The following ZFHX3 variants were observed in gnomAD, a reference collection of about 807,000 sequenced individuals.
ZFHX3 encodes zinc finger homeobox 3.
ZFHX3 carries 42 observed loss-of-function variants against 279.1 expected under a neutral mutation model. The ratio of observed to expected loss-of-function variants is 0.15; its 90% confidence interval spans 0.12 to 0.19. The LOEUF is 0.19. Ranked by LOEUF, ZFHX3 falls within the 10% of genes least tolerant of loss-of-function variation. The pLI is 1.00. For missense variants in ZFHX3, 4,981 were observed against 4,754.0 expected (o/e 1.05, Z -1.40); for synonymous variants, 2,293 against 1,957.8 (o/e 1.17, Z -4.52).
At chr16:73,525,142 C>T (rs901291889) in intron 2 of ZFHX3, among the ~76,000 whole-genome samples, 3 of 152,146 alleles carry the variant, frequency 2.0e-5, no homozygotes, top group Non-Finnish European at 2.9e-5. Flanking sequence ...AGTCAAGCTT[C>T]GGTTTTACGT....
chr16:73,324,920 A>G (rs115087723), intron 3 of ZFHX3, among the ~76,000 whole-genome samples: 258 of 152,300 alleles, frequency 1.7e-3, no homozygotes, highest in South Asian at 6.4e-3. Flanking sequence ...TCTCAAGGGG[A>G]TCAACATTTG....
chr16:72,893,664 G>A (rs2038825358), intron 3 of ZFHX3, among the ~76,000 whole-genome samples: 1 of 152,154 alleles, frequency 6.6e-6, no homozygotes, highest in Admixed American at 6.5e-5. Context: ...AGCCATTTTA[G>A]CAAGAAACTG....
intron 5 of ZFHX3, among the ~76,000 whole-genome samples, chr16:73,206,676 A>G (rs2011815919): frequency 6.6e-6 from 1 of 152,052 alleles, no homozygotes. Flanking sequence ...TTTCCCCACT[A>G]CACATGGCCA....
chr16:73,501,158 A>ATG (rs2019233057), intron 2 of ZFHX3, among the ~76,000 whole-genome samples: 1 of 152,256 alleles, frequency 6.6e-6, no homozygotes, highest in African/African-American at 2.4e-5. Context: ...CTACAGTAGC[A>ATG]TGCTGTACAG....
chr16:73,119,724 C>T (rs1189016615), intron 7 of ZFHX3, among the ~76,000 whole-genome samples: 3 of 152,034 alleles, frequency 2.0e-5, no homozygotes, highest in Non-Finnish European at 4.4e-5. Context: ...TTGCTCTATC[C>T]CCCAGGCTGG....
At chr16:73,666,154 G>C (rs1214699948) in intron 2 of ZFHX3, among the ~76,000 whole-genome samples, 1 of 151,846 alleles carries the variant, frequency 6.6e-6, no homozygotes, top group Non-Finnish European at 1.5e-5. Context: ...CTGAGTGGCA[G>C]TTTGTGGGCT....
chr16:73,683,252 G>A (rs777604431), intron 1 of ZFHX3, among the ~76,000 whole-genome samples: 9 of 152,190 alleles, frequency 5.9e-5, no homozygotes, highest in African/African-American at 1.4e-4. Flanking sequence ...CTCAAAGCCC[G>A]TTCACTTCCC....
chr16:73,411,402 T>C (rs774323595), intron 3 of ZFHX3, among the ~76,000 whole-genome samples: 17 of 152,240 alleles, frequency 1.1e-4, no homozygotes, highest in Non-Finnish European at 2.1e-4. Flanking sequence ...AAGAGTGTTG[T>C]TGAACAAAAA....
At chr16:73,853,247 C>T (rs1206331440) in intron 1 of ZFHX3, among the ~76,000 whole-genome samples, 1 of 152,172 alleles carries the variant, frequency 6.6e-6, no homozygotes, top group South Asian at 2.1e-4. Flanking sequence ...TTAGTTCAAA[C>T]TCGATGGACA....
At chr16:73,400,856 A>G (rs1410413086) in intron 3 of ZFHX3, 1 of 152,108 alleles carries the variant, frequency 6.6e-6, no homozygotes, top group African/African-American at 2.4e-5. Flanking sequence ...AAAGCCACTT[A>G]TTACCTTGTG....
At chr16:72,973,652 G>A (rs575297142) in intron 1 of ZFHX3, 2 of 152,386 alleles carry the variant, frequency 1.3e-5, no homozygotes, top group African/African-American at 4.8e-5. Context: ...GCCAAGGCGG[G>A]TGGATCATCT....
At chr16:73,602,228 G>T (rs939806928) in intron 2 of ZFHX3, among the ~76,000 whole-genome samples, 2 of 152,180 alleles carry the variant, frequency 1.3e-5, no homozygotes, top group Non-Finnish European at 2.9e-5. Flanking sequence ...TCTGGCTGGT[G>T]GGTTTTTTCT....
At chr16:73,124,735 C>T (rs375369473) in intron 7 of ZFHX3, among the ~76,000 whole-genome samples, 13 of 152,188 alleles carry the variant, frequency 8.5e-5, no homozygotes, top group African/African-American at 2.6e-4. Context: ...GAGAGTGTAG[C>T]GCACTGGGGT....
intron 7 of ZFHX3, among the ~76,000 whole-genome samples, chr16:73,100,385 G>A (rs1406296552): frequency 6.6e-6 from 1 of 152,030 alleles, no homozygotes; most frequent in Non-Finnish European, 1.5e-5. Flanking sequence ...TCTCACCAAC[G>A]GGCATGCCTT....
chr16:72,846,687 C>T lies in ZFHX3; in HGVS notation c.3449-16828G>A, dbSNP rs552824976. Among the ~76,000 whole-genome samples, 4 of 152,350 alleles carry T rather than the reference C, an allele frequency of 2.6e-5. No individual in the cohort carries two copies. In the South Asian group the frequency reaches 8.3e-4, roughly 32 times the overall value. ...GCACGGCTTTAGCTGGTGGCCCCGGCAGGGATTTCCAGTAGAAAAACTCCT... is the reference window on the plus strand; with the variant it reads ...GCACGGCTTTAGCTGGTGGCCCCGGTAGGGATTTCCAGTAGAAAAACTCCT... On this transcript the variant is annotated intron_variant, in intron 4 of 9. Coordinates refer to ENST00000268489, the MANE Select transcript of ZFHX3 (RefSeq NM_006885.4).
chr16:72,815,166 G>C (rs1232193506), intron 5 of ZFHX3, among the ~76,000 whole-genome samples: 1 of 152,146 alleles, frequency 6.6e-6, no homozygotes, highest in South Asian at 2.1e-4. Flanking sequence ...CTAGCACTTT[G>C]GAAGGCTGAG....
chr16:73,023,429 C>A (rs756436441), intron 1 of ZFHX3, among the ~76,000 whole-genome samples: 1 of 151,904 alleles, frequency 6.6e-6, no homozygotes, highest in Non-Finnish European at 1.5e-5. Context: ...GGGTAAGGGG[C>A]GGAGGGAGGA....
At chr16:73,882,647 C>A (rs1270782236) in intron 1 of ZFHX3, among the ~76,000 whole-genome samples, 3 of 151,946 alleles carry the variant, frequency 2.0e-5, no homozygotes, top group Non-Finnish European at 4.4e-5. Flanking sequence ...TCTGGAAATT[C>A]CAGGATCCTA....
chr16:72,965,699 AT>A (rs1384024847), intron 1 of ZFHX3, among the ~76,000 whole-genome samples: 1 of 151,814 alleles, frequency 6.6e-6, no homozygotes, highest in Non-Finnish European at 1.5e-5. Context: ...GGAAAGAGTG[AT>A]GTGTGTGCAT....
Sources: allele counts gnomAD v4.1 joint callset (sites outside exome capture counted in the v4.1 genomes callset), GRCh38; gene constraint gnomAD v4.1.1; transcripts MANE v1.5; gene names NCBI Gene and HGNC (gene_info 2026-07-23, HGNC 2026-07-21).